Variants in IL15 observed in about 807,000 individuals in gnomAD.
IL15 encodes interleukin-15.
In IL15, 11 loss-of-function variants were observed where a neutral mutation model predicts 19.6. The ratio of observed to expected loss-of-function variants is 0.56; its 90% CI spans 0.35 to 0.93. The LOEUF is 0.93. IL15 is among the 40% of genes least tolerant of loss of function. The pLI, the probability that IL15 is intolerant of heterozygous loss-of-function variation, is 0.01. For missense variants in IL15, 197 were observed against 186.5 expected (o/e 1.06, Z -0.33); for synonymous variants, 58 against 59.6 (o/e 0.97, Z 0.12).
At chr4:141,643,068 G>T (rs985411396) in intron 1 of IL15, among the ~76,000 whole-genome samples, 1 of 152,180 alleles carries the variant, frequency 6.6e-6, no homozygotes, top group Non-Finnish European at 1.5e-5. Flanking sequence ...AAATTAGTTT[G>T]AGGTAGAATT....
intron 1 of IL15, among the ~76,000 whole-genome samples, chr4:141,644,735 T>C (rs1435239120): frequency 6.6e-6 from 1 of 152,106 alleles, no homozygotes. Context: ...GACCTTCCCC[T>C]TGTCCCAACA....
chr4:141,641,440 C>T (rs907062854), intron 1 of IL15, among the ~76,000 whole-genome samples: 2 of 151,986 alleles, frequency 1.3e-5, no homozygotes, highest in Non-Finnish European at 2.9e-5. Context: ...TGGAACCAAC[C>T]CAAATGTCCA....
intron 2 of IL15, among the ~76,000 whole-genome samples, chr4:141,680,897 C>T (rs147243292): frequency 3.9e-5 from 6 of 152,238 alleles, no homozygotes; most frequent in Non-Finnish European, 8.8e-5. Flanking sequence ...CCAAGGAGTC[C>T]TCAATAAATA....
chr4:141,720,845 G>T, intron 4 of IL15: 1 of 541,718 alleles, frequency 1.8e-6, no homozygotes, highest in Non-Finnish European at 3.2e-6. Context: ...ACCACTTATT[G>T]ATAGACTACA....
intron 1 of IL15, among the ~76,000 whole-genome samples, chr4:141,643,192 A>C (rs1162117851): frequency 6.6e-6 from 1 of 152,096 alleles, no homozygotes; most frequent in Non-Finnish European, 1.5e-5. Flanking sequence ...CTAGTAATTC[A>C]TTCTTTCTCT....
At position 141,697,749 on chromosome 4, in the gene IL15, AT is replaced by A. The variant is rs201031095; in HGVS notation, c.-99-21608del. 7.0e-4 allele frequency among the ~76,000 whole-genome samples: 104 copies of A among 149,190 alleles called. No individual in the cohort carries two copies. The East Asian group carries it at 0.012, about 17-fold the overall frequency. ...CCTCCTTAGTTAGGTATATTCCTTT[AT>A]TTTTTTTTCAGCTATTATAAAAGGG... is the stretch of plus-strand genomic sequence containing the variant. On this transcript the variant is annotated intron_variant, in intron 2 of 7. Transcript: ENST00000320650.
chr4:141,658,929 G>T (rs1249474685), intron 2 of IL15, among the ~76,000 whole-genome samples: 2 of 150,812 alleles, frequency 1.3e-5, no homozygotes, highest in African/African-American at 4.9e-5. Context: ...GTGCGATCTC[G>T]GCTCACTGCA....
intron 2 of IL15, among the ~76,000 whole-genome samples, chr4:141,696,297 T>C (rs565149674): frequency 9.9e-5 from 15 of 152,184 alleles, no homozygotes; most frequent in African/African-American, 2.9e-4. Context: ...TATGAGTCTG[T>C]TTTTTATGCC....
intron 2 of IL15, among the ~76,000 whole-genome samples, chr4:141,710,519 T>C (rs574847724): frequency 5.9e-5 from 9 of 152,318 alleles, no homozygotes; most frequent in African/African-American, 2.2e-4. Flanking sequence ...CTGTGTCTAC[T>C]TTTTAACTAA....
At chr4:141,669,849 A>G (rs1450926654) in intron 2 of IL15, among the ~76,000 whole-genome samples, 1 of 151,800 alleles carries the variant, frequency 6.6e-6, no homozygotes, top group African/African-American at 2.4e-5. Flanking sequence ...AAAAGCTGCA[A>G]TCTAACTTGG....
intron 2 of IL15, among the ~76,000 whole-genome samples, chr4:141,659,521 A>G (rs1185090152): frequency 6.6e-6 from 1 of 152,214 alleles, no homozygotes; most frequent in Non-Finnish European, 1.5e-5. Context: ...TGATACACAC[A>G]GATTAGGTAT....
chr4:141,692,282 T>G (rs1728938712), intron 2 of IL15, among the ~76,000 whole-genome samples: 1 of 152,242 alleles, frequency 6.6e-6, no homozygotes, highest in African/African-American at 2.4e-5. Flanking sequence ...CCTCCAGGCC[T>G]GTAATGGGTG....
chr4:141,693,796 TG>T (rs1405682773), intron 2 of IL15, among the ~76,000 whole-genome samples: 2 of 152,202 alleles, frequency 1.3e-5, no homozygotes, highest in Non-Finnish European at 2.9e-5. Context: ...GGCACTACTC[TG>T]GAAGGAAGAA....
At chr4:141,721,633 T>A (rs1300557621) in intron 4 of IL15, 4 of 521,560 alleles carry the variant, frequency 7.7e-6, no homozygotes, top group East Asian at 7.9e-5. Context: ...CATCTGGCAC[T>A]GCTTCTATTT....
chr4:141,644,838 G>A (rs1424702148), intron 1 of IL15, among the ~76,000 whole-genome samples: 1 of 152,138 alleles, frequency 6.6e-6, no homozygotes, highest in Non-Finnish European at 1.5e-5. Flanking sequence ...CTAGTCCATA[G>A]CAAGTCTAAA....
chr4:141,672,949 G>A (rs1728223209), intron 2 of IL15, among the ~76,000 whole-genome samples: 1 of 152,060 alleles, frequency 6.6e-6, no homozygotes, highest in Admixed American at 6.6e-5. Flanking sequence ...TTCTGGCCAG[G>A]CACCTCTCTT....
chr4:141,720,497 A>C lies in IL15; in HGVS notation c.41A>C (p.Gln14Pro), dbSNP rs776111371. 7.5e-6 allele frequency: 12 copies of C among 1,591,642 alleles called. No homozygotes were observed. Among genetic ancestry groups the C allele is most frequent in the Admixed American group, 6.7e-5 (4 of 59,660 alleles). Residue 14 changes from glutamine to proline, a missense_variant, in exon 4 of 8, where the codon CAG becomes CCG. Transcript: ENST00000320650. ...SKPHLRSISIQCYLCLLLNSH... is the reference protein window; with the variant it reads ...SKPHLRSISIPCYLCLLLNSH... ...CCACATTTGAGAAGTATTTCCATCCAGTGCTACTTGTGTTTACTTCTAAAC... is the reference window on the plus strand; with the variant it reads ...CCACATTTGAGAAGTATTTCCATCCCGTGCTACTTGTGTTTACTTCTAAAC...
chr4:141,723,738 G>T (rs745918123), intron 5 of IL15, among the ~76,000 whole-genome samples: 17 of 152,090 alleles, frequency 1.1e-4, no homozygotes, highest in Non-Finnish European at 2.1e-4. Context: ...AAATAAAGTT[G>T]CTATAATCCA....
chr4:141,661,898 G>A (rs577912084), intron 2 of IL15, among the ~76,000 whole-genome samples: 2 of 152,208 alleles, frequency 1.3e-5, no homozygotes, highest in East Asian at 3.9e-4. Context: ...TGTGTCTCAT[G>A]ATGATGTCTT....
Sources: allele counts gnomAD v4.1 joint callset (sites outside exome capture counted in the v4.1 genomes callset), GRCh38; gene constraint gnomAD v4.1.1; transcripts MANE v1.5; gene names NCBI Gene and HGNC (gene_info 2026-07-23, HGNC 2026-07-21).